Variants in GPIHBP1 observed in about 807,000 individuals in gnomAD.
GPIHBP1 encodes glycosylphosphatidylinositol anchored high density lipoprotein binding protein 1.
Under a neutral mutation model 13.0 loss-of-function variants are expected in GPIHBP1, and 11 were observed. The observed-to-expected ratio is 0.84, with a 90% CI of 0.53 to 1.40. GPIHBP1 has a LOEUF of 1.40. GPIHBP1 is among the 40% of genes most tolerant of loss of function. The probability of loss-of-function intolerance (pLI) is 0.00; values close to 1 mark genes in which losing one functional copy is unlikely to be tolerated. For synonymous variants in GPIHBP1, 106 were observed against 102.2 expected (o/e 1.04, Z -0.22); for missense variants, 231 against 241.1 (o/e 0.96, Z 0.28).
rs1296762663 is a variant in GPIHBP1, at chr8:143,214,877, C to G, written c.182-136C>G. The G allele has an allele frequency of 6.1e-6, 4 of 651,902 alleles. No individual in the cohort carries two copies. The highest frequency in any genetic ancestry group is 1.1e-5 in the Non-Finnish European group (4 of 366,318). 40.4% of individuals were successfully genotyped at this position (651,902 alleles called of 1,614,324 possible). A position where few individuals can be genotyped will look rare whatever the true frequency, so the allele number is the denominator to read the frequency against. On this transcript the variant is annotated intron_variant, in intron 2 of 3. Transcript: ENST00000622500. The surrounding 1 kb of genome is among the most constrained non-coding windows in gnomAD (Gnocchi z 4.1). ...TTACAGGACCAAGTCAGGGGTCGCC[C>G]GCCCATCTGAGCAGTGGGTGCTGGA...
chr8:143,213,793 G>A (rs1165896023), intron 1 of GPIHBP1, 29 bp from the exon 2 acceptor site: 2 of 1,575,432 alleles, frequency 1.3e-6, no homozygotes, highest in Admixed American at 3.7e-5. Context: ...CCGGGTAGCT[G>A]AGGCTTACAA....
In GPIHBP1 at chr8:143,213,859, C is replaced by T. The variant is rs776835638; in HGVS notation, c.90C>T (p.Asp30=). ...CACAGCAGGAGGAAGAGGAAGAGGACGAGGACCACGGGCCAGATGACTACG... is the reference window on the plus strand; with the variant it reads ...CACAGCAGGAGGAAGAGGAAGAGGATGAGGACCACGGGCCAGATGACTACG... The part of the protein sequence containing the change: ...GQTQQEEEEE[D]EDHGPDDYDE... The change falls in exon 2 of 4, where the codon GAC becomes GAT. Residue 30 remains aspartate (D), a synonymous_variant. Coordinates refer to ENST00000622500, the MANE Select transcript of GPIHBP1 (RefSeq NM_178172.6). 7.1e-6 allele frequency: 11 copies of T among 1,556,620 alleles called. No individual in the cohort carries two copies. The highest frequency in any genetic ancestry group is 5.5e-5 in the African/African-American group (4 of 73,168).
chr8:143,217,080 G>A lies in GPIHBP1; in HGVS notation c.*1562G>A, dbSNP rs1220603963. 6.6e-6 allele frequency: 1 copy of A among 152,200 alleles called. No homozygotes were observed. Among genetic ancestry groups the A allele is most frequent in the Non-Finnish European group, 1.5e-5 (1 of 68,030 alleles). The allele number at this position is 152,200 out of a possible 1,614,324, so 9.4% of individuals were successfully genotyped here. Reference sequence around the variant, plus strand: ...TGAGCACGGTAGGGCAGCCTGGTGAGAGGGGCCTAGCTCGCTGCCGACAGA... The same window carrying A: ...TGAGCACGGTAGGGCAGCCTGGTGAAAGGGGCCTAGCTCGCTGCCGACAGA... On this transcript the variant is annotated 3_prime_UTR_variant, in exon 4 of 4. Coordinates refer to ENST00000622500, the MANE Select transcript of GPIHBP1 (RefSeq NM_178172.6).
At position 143,215,242 on chromosome 8, in the gene GPIHBP1, C is replaced by T. The variant is rs536657163; in HGVS notation, c.296-17C>T. 2 of 1,612,930 alleles carry T rather than the reference C, an allele frequency of 1.2e-6. No homozygotes were observed. The highest frequency in any genetic ancestry group is 2.7e-5 in the African/African-American group (2 of 74,916). ...CCCCGCCCATCCTCAGCACTTGTTC[C>T]CCACTCCCCTTCCCAGAGTCAGGCC... On this transcript the variant is annotated splice_polypyrimidine_tract_variant and intron_variant, in intron 3 of 3. Coordinates refer to ENST00000622500, the MANE Select transcript of GPIHBP1 (RefSeq NM_178172.6).
chr8:143,215,225 A>G (rs777910164), intron 3 of GPIHBP1, 34 bp from the exon 4 acceptor site: 1 of 1,612,752 alleles, frequency 6.2e-7, no homozygotes, highest in African/African-American at 1.3e-5. Context: ...GACCCCGCCC[A>G]TCCTCAGCAC....
In GPIHBP1 at chr8:143,214,079, C is replaced by G; in HGVS notation, c.181+129C>G. The stretch of plus-strand genomic sequence containing the variant: ...TGCCTCCAGCAGAGTGGGGGACACT[C>G]AGTACACCCCTCACTGCTGCTCACC... On this transcript the variant is annotated intron_variant, in intron 2 of 3. Coordinates refer to ENST00000622500, the MANE Select transcript of GPIHBP1 (RefSeq NM_178172.6). The surrounding 1 kb of genome is among the most constrained non-coding windows in gnomAD (Gnocchi z 4.1). 1 of 1,186,330 alleles carries G rather than the reference C, an allele frequency of 8.4e-7. No homozygotes were observed. Among genetic ancestry groups the G allele is most frequent in the East Asian group, 2.6e-5 (1 of 38,514 alleles). The allele number at this position is 1,186,330 out of a possible 1,614,324, so 73.5% of individuals were successfully genotyped here.
Position 143,215,634 on chromosome 8 carries a change from G to A in GPIHBP1, c.*116G>A, listed in dbSNP as rs1054652551. The A allele has an allele frequency of 1.3e-5, 12 of 949,156 alleles. No homozygotes were observed. The African/African-American group carries it at 1.3e-4, about 10-fold the overall frequency. The allele number at this position is 949,156 out of a possible 1,614,324, so 58.8% of individuals were successfully genotyped here. ...TGGAGAATGGATTTGGAGTGTCTTG[G>A]GCGATCCAGCCAGCGCAGGCCCCCC... On this transcript the variant is annotated 3_prime_UTR_variant, in exon 4 of 4. Coordinates refer to ENST00000622500, the MANE Select transcript of GPIHBP1 (RefSeq NM_178172.6).
At position 143,215,959 on chromosome 8, in the gene GPIHBP1, T is replaced by G; in HGVS notation, c.*441T>G. On this transcript the variant is annotated 3_prime_UTR_variant, in exon 4 of 4. Coordinates refer to ENST00000622500, the MANE Select transcript of GPIHBP1 (RefSeq NM_178172.6). ...CTTCCCCAGGTCGGCCTCTCCGCTGTCTGGAGGGAAGGGGATTTGGAGGGA... is the reference window on the plus strand; with the variant it reads ...CTTCCCCAGGTCGGCCTCTCCGCTGGCTGGAGGGAAGGGGATTTGGAGGGA... The G allele has an allele frequency of 1.1e-5, 2 of 186,036 alleles. No individual in the cohort carries two copies. The highest frequency in any genetic ancestry group is 1.4e-4 in the East Asian group (1 of 7,246). The allele number at this position is 186,036 out of a possible 1,614,324, so 11.5% of individuals were successfully genotyped here.
At position 143,214,981 on chromosome 8, in the gene GPIHBP1, C is replaced by A. The variant is rs1816278566; in HGVS notation, c.182-32C>A. On this transcript the variant is annotated intron_variant, in intron 2 of 3. Transcript: ENST00000622500. This position sits in a 1 kb window ranked among gnomAD's most constrained non-coding sequence, Gnocchi z 4.1. ...GACGTGGGAGGAGACCCTGGGGGGCCCGGCCTCGGCCTGAGCCCGCCTTGT... is the reference window on the plus strand; with the variant it reads ...GACGTGGGAGGAGACCCTGGGGGGCACGGCCTCGGCCTGAGCCCGCCTTGT... 1.4e-6 allele frequency: 2 copies of A among 1,462,240 alleles called. No homozygotes were observed. Among genetic ancestry groups the A allele is most frequent in the Non-Finnish European group, 9.4e-7 (1 of 1,067,106 alleles). 90.6% of individuals were successfully genotyped at this position (1,462,240 alleles called of 1,614,324 possible).
intron 3 of GPIHBP1, 56 bp from the exon 4 acceptor site, chr8:143,215,203 A>G: frequency 6.2e-7 from 1 of 1,612,294 alleles, no homozygotes; most frequent in Non-Finnish European, 8.5e-7. Flanking sequence ...AGCCCTGCAG[A>G]GCCACCTCAG....
Position 143,213,324 on chromosome 8 carries a change from G to A in GPIHBP1, c.52+5G>A, listed in dbSNP as rs186346582. 18 of 1,592,816 alleles carry A rather than the reference G, an allele frequency of 1.1e-5. No individual in the cohort carries two copies. Among genetic ancestry groups the A allele is most frequent in the South Asian group, 4.5e-5 (4 of 88,188 alleles). On this transcript the variant is annotated splice_donor_5th_base_variant and intron_variant, in intron 1 of 3. Coordinates refer to ENST00000622500, the MANE Select transcript of GPIHBP1 (RefSeq NM_178172.6). ...TCTTGCTGTTCGGGCGGCCAGGTGC[G>A]GGGCAAAGGGTAACCCTGCGGTGAG...
chr8:143,214,161 G>C lies in GPIHBP1; in HGVS notation c.181+211G>C, dbSNP rs1816264647. On this transcript the variant is annotated intron_variant, in intron 2 of 3. Transcript: ENST00000622500. The surrounding 1 kb of genome is among the most constrained non-coding windows in gnomAD (Gnocchi z 4.1). ...CAGGGGAAGAAGCCACCAGCTGGGA[G>C]GGTCAGTGGTGCCAGGATGTAGAGG... Among the ~76,000 whole-genome samples, 1 of 152,104 alleles carries C rather than the reference G, an allele frequency of 6.6e-6. No individual in the cohort carries two copies.
Position 143,214,652 on chromosome 8 carries a change from G to A in GPIHBP1, c.182-361G>A, listed in dbSNP as rs1451672494. Among the ~76,000 whole-genome samples the A allele has an allele frequency of 6.6e-6, 1 of 152,070 alleles. No individual in the cohort carries two copies. The highest frequency in any genetic ancestry group is 1.5e-5 in the Non-Finnish European group (1 of 67,996). ...GAGCCCTGCCCCACACACCCACGAGGTGTCCCCTGTGAGGCCCTCCTCTGC... is the reference window on the plus strand; with the variant it reads ...GAGCCCTGCCCCACACACCCACGAGATGTCCCCTGTGAGGCCCTCCTCTGC... On this transcript the variant is annotated intron_variant, in intron 2 of 3. Transcript: ENST00000622500. The surrounding 1 kb of genome is among the most constrained non-coding windows in gnomAD (Gnocchi z 4.1).
intron 1 of GPIHBP1, 74 bp downstream of exon 1, chr8:143,213,393 C>T: frequency 8.0e-7 from 1 of 1,254,552 alleles, no homozygotes; most frequent in Non-Finnish European, 1.1e-6. Flanking sequence ...CTCCAGGGAC[C>T]CCCAGCAGGG....
In GPIHBP1 at chr8:143,215,185, C is replaced by T. The variant is rs565814494; in HGVS notation, c.295+59C>T. The T allele has an allele frequency of 2.5e-4, 399 of 1,611,198 alleles. 1 individual carries two copies. In the African/African-American group the frequency reaches 4.5e-3, roughly 18 times the overall value. On this transcript the variant is annotated intron_variant, in intron 3 of 3. Transcript: ENST00000622500. ...CCAGGCGGCGGGAAAGCCAGGGGCC[C>T]GGAACAGAGCCCTGCAGAGCCACCT... is the stretch of plus-strand genomic sequence containing the variant.
In GPIHBP1 at chr8:143,216,251, T is replaced by C. The variant is rs976448240; in HGVS notation, c.*733T>C. 2.6e-5 allele frequency: 4 copies of C among 152,230 alleles called. No homozygotes were observed. Among genetic ancestry groups the C allele is most frequent in the African/African-American group, 9.7e-5 (4 of 41,152 alleles). 9.4% of individuals were successfully genotyped at this position (152,230 alleles called of 1,614,324 possible). ...GGATGGGGAAGGGCCAGATGCTGGG[T>C]GGGTGCCTGTCACCTTGAGGTGACC... On this transcript the variant is annotated 3_prime_UTR_variant, in exon 4 of 4. Coordinates refer to ENST00000622500, the MANE Select transcript of GPIHBP1 (RefSeq NM_178172.6).
At chr8:143,215,231 A>T (rs1816286102) in intron 3 of GPIHBP1, 28 bp from the exon 4 acceptor site, 1 of 1,612,946 alleles carries the variant, frequency 6.2e-7, no homozygotes, top group African/African-American at 1.3e-5. Flanking sequence ...GCCCATCCTC[A>T]GCACTTGTTC....
chr8:143,215,550 A>T lies in GPIHBP1; in HGVS notation c.*32A>T. On this transcript the variant is annotated 3_prime_UTR_variant, in exon 4 of 4. Coordinates refer to ENST00000622500, the MANE Select transcript of GPIHBP1 (RefSeq NM_178172.6). ...GCCCCTCCCCACCCCCACCCGGCTC[A>T]CCCCCGGCCCTGCCAGCACTCTGTC... 7.1e-7 allele frequency: 1 copy of T among 1,400,582 alleles called. No homozygotes were observed. 86.8% of individuals were successfully genotyped at this position (1,400,582 alleles called of 1,614,324 possible). A position where few individuals can be genotyped will look rare whatever the true frequency, so the allele number is the denominator to read the frequency against.
intron 3 of GPIHBP1, 52 bp downstream of exon 3, chr8:143,215,178 AG>A: frequency 6.5e-7 from 1 of 1,542,902 alleles, no homozygotes; most frequent in African/African-American, 1.7e-5. Context: ...CGGGAAAGCC[AG>A]GGGCCCGGAA....
Sources: allele counts gnomAD v4.1 joint callset (sites outside exome capture counted in the v4.1 genomes callset), GRCh38; gene constraint gnomAD v4.1.1; non-coding constraint Gnocchi (gnomAD v3.1); transcripts MANE v1.5; gene names NCBI Gene and HGNC (gene_info 2026-07-23, HGNC 2026-07-21).